Variants in RBM6 observed in about 807,000 individuals in gnomAD.
The protein encoded by RBM6 is RNA-binding protein 6.
RBM6 carries 23 observed loss-of-function variants against 140.4 expected under a neutral mutation model. The ratio of observed to expected loss-of-function variants is 0.16; its 90% CI spans 0.12 to 0.23. The LOEUF (loss-of-function observed/expected upper bound fraction) is 0.23. Among genes scored for constraint, RBM6 ranks in the 10% least tolerant of loss-of-function variants. RBM6 has a pLI of 1.00. For synonymous variants in RBM6, 439 were observed against 475.6 expected (o/e 0.92, Z 1.00); for missense variants, 1,139 against 1,386.7 (o/e 0.82, Z 2.84).
chr3:50,047,484 G>A (rs2108878166), intron 6 of RBM6, among the ~76,000 whole-genome samples: 1 of 152,270 alleles, frequency 6.6e-6, no homozygotes, highest in South Asian at 2.1e-4. Flanking sequence ...GAGAGGCAAG[G>A]GAGCTCTTTA....
chr3:49,944,601 G>A (rs559060699), intron 1 of RBM6, among the ~76,000 whole-genome samples: 12 of 149,452 alleles, frequency 8.0e-5, no homozygotes, highest in Non-Finnish European at 1.6e-4. Context: ...TCAGCCTCCC[G>A]AGTAGCTGGG....
chr3:50,011,409 AG>A (rs140638814), intron 6 of RBM6, among the ~76,000 whole-genome samples: 4,892 of 152,284 alleles, frequency 0.032, 275 homozygotes, highest in African/African-American at 0.11. Flanking sequence ...TTAAAAATAA[AG>A]GACTATTTTG....
chr3:49,947,105 A>T (rs1296920098), intron 1 of RBM6, among the ~76,000 whole-genome samples: 1 of 144,464 alleles, frequency 6.9e-6, no homozygotes, highest in Non-Finnish European at 1.5e-5. Flanking sequence ...AAAAAAAATT[A>T]GCCGGGCGCA....
At chr3:49,946,796 A>G (rs1247614060) in intron 1 of RBM6, among the ~76,000 whole-genome samples, 1 of 150,256 alleles carries the variant, frequency 6.7e-6, no homozygotes, top group Non-Finnish European at 1.5e-5. Context: ...TGGCCTCCCA[A>G]GGTGCTGGGA....
intron 19 of RBM6, among the ~76,000 whole-genome samples, chr3:50,073,146 C>T (rs1425596860): frequency 6.6e-6 from 1 of 152,222 alleles, no homozygotes; most frequent in Non-Finnish European, 1.5e-5. Flanking sequence ...TCTGATCCAT[C>T]CTCCTCCTTT....
intron 6 of RBM6, among the ~76,000 whole-genome samples, chr3:50,004,810 G>C (rs73079046): frequency 2.0e-5 from 3 of 151,850 alleles, no homozygotes; most frequent in African/African-American, 7.3e-5. Context: ...AACTCTGTTC[G>C]TAAAGATGGG....
chr3:50,067,266 C>T (rs1204442094), intron 17 of RBM6, among the ~76,000 whole-genome samples: 1 of 145,866 alleles, frequency 6.9e-6, no homozygotes, highest in Non-Finnish European at 1.5e-5. Context: ...CAGTTCCTAT[C>T]ATTAAAACAG....
intron 6 of RBM6, among the ~76,000 whole-genome samples, chr3:50,043,167 T>A (rs1173566301): frequency 6.6e-6 from 1 of 152,126 alleles, no homozygotes; most frequent in Non-Finnish European, 1.5e-5. Flanking sequence ...GGAGGAGATG[T>A]CTTTGGTTTT....
chr3:49,975,869 G>A (rs1171472225), intron 5 of RBM6, among the ~76,000 whole-genome samples: 2 of 152,084 alleles, frequency 1.3e-5, no homozygotes, highest in East Asian at 3.9e-4. Flanking sequence ...TTATTTTGTT[G>A]AAATCCATGA....
chr3:49,952,026 A>G (rs929279754), intron 1 of RBM6, among the ~76,000 whole-genome samples: 4 of 142,896 alleles, frequency 2.8e-5, no homozygotes, highest in African/African-American at 7.8e-5. Context: ...CTGCCTTGTT[A>G]TTATTATTAT....
At chr3:49,978,524 G>T (rs927005977) in intron 5 of RBM6, among the ~76,000 whole-genome samples, 1 of 152,102 alleles carries the variant, frequency 6.6e-6, no homozygotes, top group Non-Finnish European at 1.5e-5. Context: ...GTCTCCTCTA[G>T]AGCTGTATAA....
Position 50,057,803 on chromosome 3 carries a change from A to G in RBM6, c.1769A>G (p.Gln590Arg), listed in dbSNP as rs1333333592. ...TCCATACCAGCACCATTGGAAAAAC[A>G]GCCCAACCAGCCCCTAAGACCAGCT... The part of the protein sequence containing the change: ...KTSIPAPLEK[Q>R]PNQPLRPADK... The change falls in exon 9 of 21, where the codon CAG becomes CGG. Residue 590 changes from glutamine (Q) to arginine (R), a missense_variant. By Grantham distance (43) the Gln-to-Arg change is conservative. Around this residue, in one of 9 missense-constraint regions of RBM6, gnomAD observed 109 missense variants for 101.9 expected, o/e 1.07. Coordinates refer to ENST00000266022, the MANE Select transcript of RBM6 (RefSeq NM_005777.3). 4 of 1,613,972 alleles carry G rather than the reference A, an allele frequency of 2.5e-6. No homozygotes were observed. Among genetic ancestry groups the G allele is most frequent in the East Asian group, 4.5e-5 (2 of 44,876 alleles).
intron 6 of RBM6, among the ~76,000 whole-genome samples, chr3:50,030,864 T>C (rs1360108957): frequency 6.6e-6 from 1 of 151,914 alleles, no homozygotes; most frequent in African/African-American, 2.4e-5. Flanking sequence ...TCTTTAAGGA[T>C]ACTTCCTGGA....
At chr3:49,979,081 G>A (rs1251381885) in intron 5 of RBM6, among the ~76,000 whole-genome samples, 3 of 152,104 alleles carry the variant, frequency 2.0e-5, no homozygotes, top group East Asian at 1.9e-4. Flanking sequence ...AGACTCATAA[G>A]GATATATACA....
intron 5 of RBM6, among the ~76,000 whole-genome samples, chr3:49,994,335 T>C (rs532970624): frequency 3.9e-4 from 59 of 152,232 alleles, no homozygotes; most frequent in African/African-American, 1.4e-3. Context: ...AGTGCTGGGA[T>C]TATATCCACG....
intron 2 of RBM6, among the ~76,000 whole-genome samples, chr3:49,965,890 C>T (rs12636669): frequency 0.079 from 12,031 of 152,080 alleles, 523 homozygotes; most frequent in African/African-American, 0.11. Flanking sequence ...CTTGGGGAGA[C>T]AGAGATGGGT....
chr3:50,018,790 C>T (rs146763007), intron 6 of RBM6, among the ~76,000 whole-genome samples: 7 of 151,880 alleles, frequency 4.6e-5, no homozygotes, highest in African/African-American at 1.7e-4. Flanking sequence ...AGGGTTTCAA[C>T]ATGTTGGCCA....
intron 6 of RBM6, among the ~76,000 whole-genome samples, chr3:50,006,451 G>A (rs182973701): frequency 6.6e-6 from 1 of 152,078 alleles, no homozygotes; most frequent in Non-Finnish European, 1.5e-5. Flanking sequence ...ATTGAGACTC[G>A]ACTGGACATG....
At chr3:49,949,382 AC>A (rs1559513654) in intron 1 of RBM6, among the ~76,000 whole-genome samples, 2 of 151,720 alleles carry the variant, frequency 1.3e-5, no homozygotes, top group African/African-American at 4.8e-5. Context: ...CTTCAGGACA[AC>A]ATTTTTTTTT....
Sources: allele counts gnomAD v4.1 joint callset (sites outside exome capture counted in the v4.1 genomes callset), GRCh38; gene constraint gnomAD v4.1.1; regional missense constraint gnomAD v4.1.1; transcripts MANE v1.5; gene names NCBI Gene and HGNC (gene_info 2026-07-23, HGNC 2026-07-21).